Variants in MTMR8 observed in about 807,000 individuals in gnomAD.
The protein encoded by MTMR8 is phosphatidylinositol-3,5-bisphosphate 3-phosphatase MTMR8.
A neutral mutation model predicts 39.3 loss-of-function variants in MTMR8; 65 were observed. The ratio of observed to expected loss-of-function variants is 1.65; its 90% CI spans 1.35 to 2.03. The LOEUF is 2.03. MTMR8 is among the 30% of genes most tolerant of loss of function. MTMR8 has a pLI of 0.00. For synonymous variants in MTMR8, 245 were observed against 185.2 expected (o/e 1.32, Z -2.62); for missense variants, 777 against 538.9 (o/e 1.44, Z -4.37).
At chrX:64,349,902 G>GCCAT in intron 5 of MTMR8, 40 bp downstream of exon 5, 1 of 1,072,598 alleles carries the variant, frequency 9.3e-7, no homozygotes, top group Non-Finnish European at 1.2e-6. Flanking sequence ...GTCTTCCAGA[G>GCCAT]CCATGTTTAA....
chrX:64,394,028 T>G (rs1924760078), intron 1 of MTMR8, among the ~76,000 whole-genome samples: 1 of 112,222 alleles, frequency 8.9e-6, no homozygotes, highest in African/African-American at 3.2e-5. Context: ...AGAGGTTTAT[T>G]GGACTTAACA....
chrX:64,303,041 G>C (rs991985030), intron 12 of MTMR8, among the ~76,000 whole-genome samples: 2 of 112,563 alleles, frequency 1.8e-5, no homozygotes, highest in Non-Finnish European at 3.8e-5. Flanking sequence ...AAAGTTTGCT[G>C]TGCGTTAATG....
chrX:64,309,590 T>C (rs1467745763), intron 12 of MTMR8, among the ~76,000 whole-genome samples: 1 of 112,072 alleles, frequency 8.9e-6, no homozygotes, highest in African/African-American at 3.2e-5. Context: ...CATTTATTTT[T>C]CTTGCCTTAA....
intron 12 of MTMR8, among the ~76,000 whole-genome samples, chrX:64,276,784 T>C (rs947163616): frequency 1.8e-5 from 2 of 111,887 alleles, no homozygotes; most frequent in African/African-American, 6.5e-5. Context: ...GTTCTGTAGA[T>C]GTCTATTAGG....
At chrX:64,390,858 A>G (rs529975867) in intron 1 of MTMR8, among the ~76,000 whole-genome samples, 1 of 110,873 alleles carries the variant, frequency 9.0e-6, no homozygotes, top group African/African-American at 3.3e-5. Context: ...AGGTTTCACT[A>G]TGTCACCCAG....
intron 1 of MTMR8, among the ~76,000 whole-genome samples, chrX:64,359,922 GAA>G (rs202232811): frequency 7.9e-4 from 34 of 43,073 alleles, no homozygotes; most frequent in Non-Finnish European, 1.5e-3. Context: ...GGCAAGAATA[GAA>G]AAAAAAAAAA....
chrX:64,291,120 G>A (rs1921381923), intron 12 of MTMR8, among the ~76,000 whole-genome samples: 1 of 111,159 alleles, frequency 9.0e-6, no homozygotes, highest in East Asian at 2.8e-4. Flanking sequence ...TCTGCATATG[G>A]ACCTTATGTT....
At chrX:64,349,681 T>G (rs772887897) in intron 5 of MTMR8, among the ~76,000 whole-genome samples, 1 of 111,253 alleles carries the variant, frequency 9.0e-6, no homozygotes, top group Admixed American at 9.6e-5. Context: ...CAAAGCTGGA[T>G]CCCACAGAAA....
intron 1 of MTMR8, among the ~76,000 whole-genome samples, chrX:64,384,506 G>T (rs975336429): frequency 8.9e-6 from 1 of 111,978 alleles, no homozygotes; most frequent in African/African-American, 3.2e-5. Flanking sequence ...TTCTGCCTGG[G>T]TACCCAGGCA....
At chrX:64,316,151 G>A (rs1246032922) in intron 12 of MTMR8, among the ~76,000 whole-genome samples, 2 of 111,686 alleles carry the variant, frequency 1.8e-5, no homozygotes, top group Non-Finnish European at 3.8e-5. Flanking sequence ...AATTCAAGAG[G>A]AGATGAAAAG....
chrX:64,395,198 G>A (rs1010173379), intron 1 of MTMR8, 142 bp downstream of exon 1: 1 of 598,142 alleles, frequency 1.7e-6, no homozygotes, highest in African/African-American at 2.2e-5. Context: ...AGGGGGTGTG[G>A]ACCCAGAAAG....
intron 1 of MTMR8, among the ~76,000 whole-genome samples, chrX:64,368,101 A>G (rs1924026714): frequency 8.9e-6 from 1 of 111,978 alleles, no homozygotes; most frequent in Non-Finnish European, 1.9e-5. Flanking sequence ...TCAACAAAAT[A>G]AAAGAGGACA....
intron 1 of MTMR8, among the ~76,000 whole-genome samples, chrX:64,382,774 G>T (rs905768843): frequency 1.8e-5 from 2 of 111,090 alleles, no homozygotes; most frequent in Non-Finnish European, 3.8e-5. Flanking sequence ...TTGAGATACA[G>T]AATTATTTTT....
chrX:64,337,225 C>T, intron 9 of MTMR8, 43 bp downstream of exon 9: 1 of 1,159,828 alleles, frequency 8.6e-7, no homozygotes, highest in Non-Finnish European at 1.2e-6. Flanking sequence ...TTGTCGCAAT[C>T]TGTCTCTTAC....
At chrX:64,271,152 G>T in intron 12 of MTMR8, 79 bp from the exon 13 acceptor site, 21 of 1,007,041 alleles carry the variant, frequency 2.1e-5, no homozygotes, top group Non-Finnish European at 2.5e-5. Flanking sequence ...CTTGTGCCAA[G>T]AAAATATTGG....
intron 9 of MTMR8, among the ~76,000 whole-genome samples, chrX:64,336,461 G>T (rs1379036892): frequency 2.8e-5 from 3 of 106,462 alleles, no homozygotes; most frequent in African/African-American, 1.1e-4. Context: ...GCAGCTCTTA[G>T]CTTTATACCA....
intron 8 of MTMR8, among the ~76,000 whole-genome samples, chrX:64,340,649 A>C (rs1923190570): frequency 9.0e-6 from 1 of 111,566 alleles, no homozygotes; most frequent in African/African-American, 3.3e-5. Context: ...ATCTGGAAAA[A>C]AGTTTTTCAA....
chrX:64,369,766 T>TA (rs1048172664), intron 1 of MTMR8, among the ~76,000 whole-genome samples: 11 of 110,161 alleles, frequency 1.0e-4, no homozygotes, highest in South Asian at 3.8e-4. Context: ...AGTATAATTT[T>TA]AAAAAAAAAT....
chrX:64,298,578 CCTGT>C, intron 12 of MTMR8, among the ~76,000 whole-genome samples: 1 of 88,041 alleles, frequency 1.1e-5, no homozygotes, highest in Non-Finnish European at 1.9e-5. Flanking sequence ...ATTTCCTTCT[CCTGT>C]CTAATTGCCC....
Sources: gnomAD v4.1 joint callset for allele counts (sites outside exome capture counted in the v4.1 genomes callset) on GRCh38, gnomAD v4.1.1 for gene constraint, MANE v1.5 for transcripts, NCBI Gene and HGNC (gene_info 2026-07-23, HGNC 2026-07-21) for gene names.